Variants in NR6A1 observed in about 807,000 individuals in gnomAD.
NR6A1 encodes the protein retinoic acid receptor-related testis-associated receptor.
In NR6A1, 7 loss-of-function variants were observed where a neutral mutation model predicts 59.1. That is an observed-to-expected ratio of 0.12 (90% CI 0.07 to 0.22). The LOEUF is 0.22. Ranked by LOEUF, NR6A1 falls within the 10% of genes least tolerant of loss-of-function variation. The pLI is 1.00. For missense variants in NR6A1, 468 were observed against 611.6 expected (o/e 0.77, Z 2.48); for synonymous variants, 243 against 236.1 (o/e 1.03, Z -0.27).
intron 2 of NR6A1, among the ~76,000 whole-genome samples, chr9:124,589,753 A>G (rs978802387): frequency 8.5e-5 from 13 of 152,226 alleles, no homozygotes; most frequent in Admixed American, 3.9e-4. Context: ...TAAGTTATCC[A>G]TAACTTATTA....
At chr9:124,676,745 C>T (rs1204553920) in intron 2 of NR6A1, among the ~76,000 whole-genome samples, 1 of 152,112 alleles carries the variant, frequency 6.6e-6, no homozygotes, top group African/African-American at 2.4e-5. Flanking sequence ...TTTAAGTATC[C>T]AGATCCTCAG....
chr9:124,647,826 T>C lies in NR6A1; in HGVS notation c.142+85482A>G, dbSNP rs567042085. Among the ~76,000 whole-genome samples the C allele has an allele frequency of 2.0e-5, 3 of 152,028 alleles. No individual in the cohort carries two copies. The East Asian group carries it at 5.8e-4, about 29-fold the overall frequency. ...CAAGAAAGAGGCAGTAATAAAAAGT[T>C]TCCCATCAAAGAAAAGCCCAGGACA... On this transcript the variant is annotated intron_variant, in intron 2 of 9. Transcript: ENST00000487099.
chr9:124,551,114 C>T (rs1334326870), intron 3 of NR6A1, among the ~76,000 whole-genome samples: 1 of 152,034 alleles, frequency 6.6e-6, no homozygotes, highest in East Asian at 1.9e-4. Flanking sequence ...TTATATTTCC[C>T]CTACCCCAGC....
chr9:124,533,801 C>G (rs1833168988), intron 7 of NR6A1, among the ~76,000 whole-genome samples: 2 of 152,118 alleles, frequency 1.3e-5, no homozygotes, highest in Admixed American at 1.3e-4. Flanking sequence ...CAGGCGCCCG[C>G]CACCATGCCC....
chr9:124,593,532 T>A (rs926822209), intron 2 of NR6A1, among the ~76,000 whole-genome samples: 3 of 152,168 alleles, frequency 2.0e-5, no homozygotes, highest in African/African-American at 7.2e-5. Flanking sequence ...AATACAGTAT[T>A]AGCATGAGGA....
Position 124,519,412 on chromosome 9 carries a change from C to G in NR6A1, c.*3293G>C, listed in dbSNP as rs577159244. On this transcript the variant is annotated 3_prime_UTR_variant, in exon 10 of 10. Coordinates refer to ENST00000487099, the MANE Select transcript of NR6A1 (RefSeq NM_033334.4). Reference sequence around the variant, plus strand: ...CCAGATTAACGACGAGACCACCAAACCTTGCAAAGGACTCCAAAAGTCTAC... The same window carrying G: ...CCAGATTAACGACGAGACCACCAAAGCTTGCAAAGGACTCCAAAAGTCTAC... 1.3e-5 allele frequency: 2 copies of G among 152,302 alleles called. No individual in the cohort carries two copies. The highest frequency in any genetic ancestry group is 6.5e-5 in the Admixed American group (1 of 15,302). The allele number at this position is 152,302 out of a possible 1,614,324, so 9.4% of individuals were successfully genotyped here.
intron 2 of NR6A1, among the ~76,000 whole-genome samples, chr9:124,617,898 TA>T (rs201351078): frequency 6.6e-6 from 1 of 151,788 alleles, no homozygotes; most frequent in African/African-American, 2.4e-5. Context: ...GGCACCAAGA[TA>T]AAAAAAAGTC....
At chr9:124,537,706 C>T (rs1168817502) in intron 6 of NR6A1, among the ~76,000 whole-genome samples, 2 of 152,114 alleles carry the variant, frequency 1.3e-5, no homozygotes, top group Non-Finnish European at 2.9e-5. Context: ...GTGAGGGGTG[C>T]AGACAGGCTA....
chr9:124,650,270 A>G (rs1837058128), intron 2 of NR6A1, among the ~76,000 whole-genome samples: 1 of 152,252 alleles, frequency 6.6e-6, no homozygotes, highest in South Asian at 2.1e-4. Context: ...GCCATAAAAA[A>G]GAATAAAATC....
intron 2 of NR6A1, chr9:124,698,408 G>C (rs1348783956): frequency 1.3e-5 from 2 of 152,176 alleles, no homozygotes; most frequent in Non-Finnish European, 2.9e-5. Context: ...GGAAAGCACA[G>C]CTGCAGGGAT....
intron 2 of NR6A1, among the ~76,000 whole-genome samples, chr9:124,561,043 C>G (rs1487710017): frequency 6.6e-6 from 1 of 152,050 alleles, no homozygotes; most frequent in Non-Finnish European, 1.5e-5. Flanking sequence ...ACCGTAGTCC[C>G]AGCACTTTGT....
At chr9:124,539,936 G>A in intron 5 of NR6A1, 97 bp downstream of exon 5, 1 of 1,400,750 alleles carries the variant, frequency 7.1e-7, no homozygotes. Context: ...CAATGGCTGA[G>A]ACAGCCTGGC....
At position 124,527,249 on chromosome 9, in the gene NR6A1, G is replaced by C. The variant is rs533698973; in HGVS notation, c.1080-349C>G. Among the ~76,000 whole-genome samples, 5 of 152,292 alleles carry C rather than the reference G, an allele frequency of 3.3e-5. No homozygotes were observed. The East Asian group carries it at 9.6e-4, about 29-fold the overall frequency. ...GGCTAACAAGGGCCCAAGAAGGTCT[G>C]GGATATAAATGTGGAGAAGTACAAC... On this transcript the variant is annotated intron_variant, in intron 7 of 9. Transcript: ENST00000487099.
rs539765224 is a variant in NR6A1, at chr9:124,520,282, T to A, written c.*2423A>T. The A allele has an allele frequency of 2.6e-5, 4 of 152,288 alleles. No individual in the cohort carries two copies. The South Asian group carries it at 8.3e-4, about 32-fold the overall frequency. The allele number at this position is 152,288 out of a possible 1,614,324, so 9.4% of individuals were successfully genotyped here. A position where few individuals can be genotyped will look rare whatever the true frequency, so the allele number is the denominator to read the frequency against. On this transcript the variant is annotated 3_prime_UTR_variant, in exon 10 of 10. Coordinates refer to ENST00000487099, the MANE Select transcript of NR6A1 (RefSeq NM_033334.4). ...ATAAAAGGACTGGTGCAGAAGACAT[T>A]AAAGACGGTCCACAGGTCAGGCTCC...
intron 4 of NR6A1, among the ~76,000 whole-genome samples, chr9:124,541,979 A>G (rs911944563): frequency 1.2e-4 from 19 of 152,202 alleles, no homozygotes; most frequent in African/African-American, 4.6e-4. Context: ...AAACTCTTAT[A>G]AGCAGAAAGT....
In NR6A1 at chr9:124,743,719, G is replaced by A. The variant is rs571139445; in HGVS notation, c.101-10370C>T. ...AATAAAGACAGTACACAGCTTTCAA[G>A]GCTGTAGCTATAGAATCAAAAGGTG... On this transcript the variant is annotated intron_variant, in intron 1 of 9. Transcript: ENST00000487099. Among the ~76,000 whole-genome samples the A allele has an allele frequency of 2.7e-4, 41 of 152,290 alleles. 1 individual carries two copies. The South Asian group carries it at 7.5e-3, about 28-fold the overall frequency.
intron 2 of NR6A1, among the ~76,000 whole-genome samples, chr9:124,581,941 G>A (rs891359899): frequency 2.0e-5 from 3 of 152,186 alleles, no homozygotes; most frequent in Admixed American, 6.5e-5. Context: ...TGGCGAGGCC[G>A]TGGAGAAATA....
rs1247285443 is a variant in NR6A1, at chr9:124,522,436, C to G, written c.*269G>C. On this transcript the variant is annotated 3_prime_UTR_variant, in exon 10 of 10. Coordinates refer to ENST00000487099, the MANE Select transcript of NR6A1 (RefSeq NM_033334.4). ...CTGTAACATTAAACATCTTCACATT[C>G]TGTAAACTGTAAGAAAATGCATTGG... 3.5e-6 allele frequency: 1 copy of G among 282,658 alleles called. No individual in the cohort carries two copies. The highest frequency in any genetic ancestry group is 2.2e-5 in the African/African-American group (1 of 46,464). The allele number at this position is 282,658 out of a possible 1,614,324, so 17.5% of individuals were successfully genotyped here. A position where few individuals can be genotyped will look rare whatever the true frequency, so the allele number is the denominator to read the frequency against.
intron 3 of NR6A1, among the ~76,000 whole-genome samples, chr9:124,550,215 T>C (rs1833730756): frequency 6.6e-6 from 1 of 152,182 alleles, no homozygotes; most frequent in Non-Finnish European, 1.5e-5. Flanking sequence ...GTTATGTCTG[T>C]CAGAATTCTC....
Sources: allele counts gnomAD v4.1 joint callset (sites outside exome capture counted in the v4.1 genomes callset), GRCh38; gene constraint gnomAD v4.1.1; transcripts MANE v1.5; gene names NCBI Gene and HGNC (gene_info 2026-07-23, HGNC 2026-07-21).